The following RPAP2 variants were observed in gnomAD, a reference collection of about 807,000 sequenced individuals.
The protein encoded by RPAP2 is RNA polymerase II associated protein 2, also known as putative RNA polymerase II subunit B1 CTD phosphatase RPAP2.
Under a neutral mutation model 73.1 loss-of-function variants are expected in RPAP2, and 52 were observed. The ratio of observed to expected loss-of-function variants is 0.71; its 90% CI spans 0.57 to 0.90. The LOEUF (loss-of-function observed/expected upper bound fraction) is 0.90, where lower values mean the gene tolerates loss of function less well. Among genes scored for constraint, RPAP2 ranks in the 40% least tolerant of loss-of-function variants. The pLI is 0.00. For missense variants in RPAP2, 598 were observed against 701.8 expected, an observed-to-expected ratio of 0.85 and a Z score of 1.67; for synonymous variants, 225 against 242.1, an observed-to-expected ratio of 0.93 and a Z score of 0.65.
chr1:92,299,271 T>A (rs10875348), intron 1 of RPAP2, 125 bp downstream of exon 1: 484,756 of 485,362 alleles, frequency 1, 242,082 homozygotes, highest in Middle Eastern at 1. Context: ...CCAGGTAGAG[T>A]AGGCCGAAAG....
At chr1:92,364,516 T>C (rs908595328) in intron 11 of RPAP2, among the ~76,000 whole-genome samples, 1 of 152,136 alleles carries the variant, frequency 6.6e-6, no homozygotes, top group Non-Finnish European at 1.5e-5. Flanking sequence ...TATTTTTTGC[T>C]GGGCACCTTC....
At chr1:92,305,723 A>G (rs1476110992) in intron 5 of RPAP2, among the ~76,000 whole-genome samples, 1 of 152,188 alleles carries the variant, frequency 6.6e-6, no homozygotes, top group Admixed American at 6.5e-5. Flanking sequence ...TAATAAACAT[A>G]TGAAAAGATG....
At chr1:92,328,609 T>C (rs1339839973) in intron 8 of RPAP2, among the ~76,000 whole-genome samples, 1 of 152,254 alleles carries the variant, frequency 6.6e-6, no homozygotes, top group Non-Finnish European at 1.5e-5. Context: ...GCCTCCTTGA[T>C]TAGCTTAATA....
At chr1:92,317,272 G>C (rs1651964090) in intron 6 of RPAP2, among the ~76,000 whole-genome samples, 1 of 152,126 alleles carries the variant, frequency 6.6e-6, no homozygotes, top group Admixed American at 6.6e-5. Context: ...ATTTTGGGAG[G>C]CCGAGGCGGG....
chr1:92,338,977 T>A (rs1285401647), intron 10 of RPAP2, among the ~76,000 whole-genome samples: 1 of 152,182 alleles, frequency 6.6e-6, no homozygotes, highest in Admixed American at 6.5e-5. Context: ...ATCACCATTC[T>A]GAGCAAACCG....
intron 9 of RPAP2, among the ~76,000 whole-genome samples, chr1:92,335,475 C>T (rs1032593856): frequency 1.3e-5 from 2 of 152,010 alleles, no homozygotes; most frequent in African/African-American, 4.8e-5. Flanking sequence ...CCTGTAATCC[C>T]ACCACTCAAC....
rs547176599 is a variant in RPAP2 at position 92,398,858 on chromosome 1, G to A, written c.*11847G>A. ...AAGAAATGCCTTCATGAAATGTATT[G>A]TTCCCCAATAAAGCTCATTTTCTGT... is the stretch of plus-strand genomic sequence containing the variant. On this transcript the variant is annotated 3_prime_UTR_variant, in exon 13 of 13. Coordinates refer to ENST00000610020, the MANE Select transcript of RPAP2 (RefSeq NM_024813.3). The A allele has an allele frequency of 6.6e-6, 1 of 152,360 alleles. No homozygotes were observed. Among genetic ancestry groups the A allele is most frequent in the African/African-American group, 2.4e-5 (1 of 41,594 alleles). 9.4% of individuals were successfully genotyped at this position (152,360 alleles called of 1,614,324 possible).
intron 8 of RPAP2, among the ~76,000 whole-genome samples, chr1:92,325,421 T>C (rs931114453): frequency 5.3e-5 from 8 of 152,134 alleles, no homozygotes; most frequent in African/African-American, 1.4e-4. Flanking sequence ...CCAAAACTTA[T>C]ATTAAGCTAG....
At chr1:92,379,177 T>C (rs889038510) in intron 11 of RPAP2, among the ~76,000 whole-genome samples, 6 of 152,260 alleles carry the variant, frequency 3.9e-5, no homozygotes, top group African/African-American at 9.6e-5. Context: ...CACTGACTAC[T>C]ATGGAACTGA....
chr1:92,363,744 T>C (rs761537955), intron 11 of RPAP2: 3 of 369,574 alleles, frequency 8.1e-6, no homozygotes, highest in South Asian at 6.6e-5. Context: ...AAGACCTTTA[T>C]GATGATCTAC....
At position 92,327,233 on chromosome 1, in the gene RPAP2, C is replaced by T. The variant is rs151275143; in HGVS notation, c.1455+2858C>T. Among the ~76,000 whole-genome samples, 398 of 152,228 alleles carry T rather than the reference C, an allele frequency of 2.6e-3. 3 individuals carry two copies. Among genetic ancestry groups the T allele is most frequent in the African/African-American group, 9.1e-3 (378 of 41,552 alleles). ...ATCATTCAGGAACAGGTCTTGATGA[C>T]CTGTCTAGTGCTGTCAGTGGAGTAC... is the stretch of plus-strand genomic sequence containing the variant. On this transcript the variant is annotated intron_variant, in intron 8 of 12. Coordinates refer to ENST00000610020, the MANE Select transcript of RPAP2 (RefSeq NM_024813.3).
intron 11 of RPAP2, among the ~76,000 whole-genome samples, chr1:92,351,629 A>G (rs1453149677): frequency 6.6e-6 from 1 of 152,066 alleles, no homozygotes; most frequent in Non-Finnish European, 1.5e-5. Context: ...AGTATATTTG[A>G]GCCTGTAACA....
At position 92,301,515 on chromosome 1, in the gene RPAP2, A is replaced by C. The variant is rs1271937060; in HGVS notation, c.159A>C (p.Glu53Asp). 6.3e-7 allele frequency: 1 copy of C among 1,596,076 alleles called. No homozygotes were observed. Among genetic ancestry groups the C allele is most frequent in the Non-Finnish European group, 8.5e-7 (1 of 1,174,284 alleles). Residue 53 changes from glutamate (E) to aspartate (D), a missense_variant, in exon 3 of 13, where the codon GAA (glutamate) becomes GAC (aspartate). This residue lies in a region of RPAP2 where 506 missense variants were observed against 612.8 expected (regional missense o/e 0.83). Coordinates refer to ENST00000610020, the MANE Select transcript of RPAP2 (RefSeq NM_024813.3). ...AAGCAGCTGTGAGAAAGAAGATTGA[A>C]TTTGAGAGAAAAGCTCTACATATTG... ...ELEAAVRKKI[E>D]FERKALHIVE...
intron 10 of RPAP2, among the ~76,000 whole-genome samples, chr1:92,342,149 A>G (rs1653627693): frequency 6.6e-6 from 1 of 152,180 alleles, no homozygotes; most frequent in African/African-American, 2.4e-5. Flanking sequence ...AGGGAAATCA[A>G]ATAGTACTAA....
chr1:92,371,169 G>T (rs554586605), intron 11 of RPAP2, among the ~76,000 whole-genome samples: 233 of 152,194 alleles, frequency 1.5e-3, no homozygotes, highest in African/African-American at 5.3e-3. Flanking sequence ...GCCAGGCGTG[G>T]TGGCATGTGC....
At chr1:92,335,293 T>C (rs1466444496) in intron 9 of RPAP2, among the ~76,000 whole-genome samples, 1 of 152,160 alleles carries the variant, frequency 6.6e-6, no homozygotes, top group Non-Finnish European at 1.5e-5. Flanking sequence ...AATTAAGAAA[T>C]TGAATCTGGA....
intron 10 of RPAP2, among the ~76,000 whole-genome samples, chr1:92,337,965 T>C (rs989394177): frequency 2.6e-5 from 4 of 152,216 alleles, no homozygotes; most frequent in African/African-American, 4.8e-5. Context: ...TCCCAAGATA[T>C]GTTCTTGAGA....
intron 6 of RPAP2, among the ~76,000 whole-genome samples, chr1:92,312,499 T>C (rs1651650442): frequency 6.6e-6 from 1 of 152,198 alleles, no homozygotes; most frequent in Non-Finnish European, 1.5e-5. Context: ...TTCTAAATCT[T>C]GTGTTACCAT....
At chr1:92,338,814 T>G (rs1653432630) in intron 10 of RPAP2, among the ~76,000 whole-genome samples, 1 of 151,994 alleles carries the variant, frequency 6.6e-6, no homozygotes. Context: ...CTCACTATGT[T>G]GCCCAGGCTG....
Sources: allele counts gnomAD v4.1 joint callset (sites outside exome capture counted in the v4.1 genomes callset), GRCh38; gene constraint gnomAD v4.1.1; regional missense constraint gnomAD v4.1.1; transcripts MANE v1.5; gene names NCBI Gene and HGNC (gene_info 2026-07-23, HGNC 2026-07-21).